Variants in TMEM181 observed in about 807,000 individuals in gnomAD.
TMEM181 encodes the protein transmembrane protein 181.
Under a neutral mutation model 71.9 loss-of-function variants are expected in TMEM181, and 39 were observed. The observed-to-expected ratio is 0.54, with a 90% CI of 0.42 to 0.71. The LOEUF is 0.71. Ranked by LOEUF, TMEM181 falls within the 30% of genes least tolerant of loss-of-function variation. The pLI is 0.00. For missense variants in TMEM181, 595 were observed against 583.0 expected (o/e 1.02, Z -0.21); for synonymous variants, 245 against 228.8 (o/e 1.07, Z -0.64).
intron 6 of TMEM181, among the ~76,000 whole-genome samples, chr6:158,596,566 C>T (rs1784400582): frequency 6.6e-6 from 1 of 152,174 alleles, no homozygotes; most frequent in Non-Finnish European, 1.5e-5. Context: ...CTAACCAGCT[C>T]TTCTTCCTTG....
intron 10 of TMEM181, among the ~76,000 whole-genome samples, chr6:158,611,892 T>A (rs1022364504): frequency 1.3e-5 from 2 of 152,156 alleles, no homozygotes; most frequent in Non-Finnish European, 2.9e-5. Context: ...AGGCTTGGAA[T>A]GTTTCTGTAT....
At chr6:158,596,682 G>T (rs184446225) in intron 6 of TMEM181, among the ~76,000 whole-genome samples, 1 of 152,212 alleles carries the variant, frequency 6.6e-6, no homozygotes, top group Non-Finnish European at 1.5e-5. Context: ...AGAAAAAGGG[G>T]TTTAATTGGA....
intron 7 of TMEM181, among the ~76,000 whole-genome samples, chr6:158,606,737 C>T (rs565824292): frequency 7.3e-4 from 111 of 152,354 alleles, no homozygotes; most frequent in African/African-American, 2.6e-3. Context: ...TTACAAGACT[C>T]CTACATTCTC....
Position 158,628,444 on chromosome 6 carries a change from A to G in TMEM181, c.1146A>G (p.Val382=), listed in dbSNP as rs1786465871. Residue 382 remains valine (V), a synonymous_variant, in exon 14 of 17, where the codon GTA becomes GTG. Coordinates refer to ENST00000684151, the MANE Select transcript of TMEM181 (RefSeq NM_001376852.1). ...AILYLRFGAQ[V]LQDNFVAELS... is the part of the protein sequence containing the mutation. ...TTTATTTGAGATTTGGGGCGCAAGT[A>G]CTACAAGACAATTTTGTAGCAGAGC... 1.2e-6 allele frequency: 2 copies of G among 1,614,222 alleles called. No homozygotes were observed. The highest frequency in any genetic ancestry group is 1.7e-5 in the Admixed American group (1 of 60,034).
In TMEM181 at chr6:158,539,623, G is replaced by A. The variant is rs116965455; in HGVS notation, c.131+2758G>A. On this transcript the variant is annotated intron_variant, in intron 1 of 16. Transcript: ENST00000367090. The stretch of plus-strand genomic sequence containing the variant: ...AAGCTCCGTTTACAAAACATGATTG[G>A]CCCCTCTGTTCAGCAGCATGGCTGT... Among the ~76,000 whole-genome samples the A allele has an allele frequency of 4.6e-5, 7 of 152,330 alleles. No homozygotes were observed. In the East Asian group the frequency reaches 1.2e-3, roughly 25 times the overall value.
chr6:158,603,522 G>T (rs761094081), intron 6 of TMEM181, among the ~76,000 whole-genome samples: 3 of 152,042 alleles, frequency 2.0e-5, no homozygotes, highest in Non-Finnish European at 2.9e-5. Flanking sequence ...TGTGGCCTGG[G>T]GACCCCTGTA....
upstream of TMEM181, among the ~76,000 whole-genome samples, chr6:158,558,536 T>C (rs2128283595): frequency 6.6e-6 from 1 of 152,330 alleles, no homozygotes; most frequent in Middle Eastern, 3.4e-3. Context: ...CAGAGACAGC[T>C]TAACTGGTTA....
At chr6:158,624,965 C>T in intron 11 of TMEM181, 139 bp from the exon 12 acceptor site, 1 of 718,172 alleles carries the variant, frequency 1.4e-6, no homozygotes, top group South Asian at 1.6e-5. Flanking sequence ...GCTGGGAGCC[C>T]ATTGTTCTGC....
At chr6:158,571,133 G>T (rs899925468) in intron 1 of TMEM181, among the ~76,000 whole-genome samples, 2 of 151,028 alleles carry the variant, frequency 1.3e-5, no homozygotes, top group Non-Finnish European at 3.0e-5. Flanking sequence ...GTCTCGTTCT[G>T]TTGCCCAGGC....
chr6:158,631,990 G>A lies in TMEM181; in HGVS notation c.*102G>A, dbSNP rs1786694205. On this transcript the variant is annotated 3_prime_UTR_variant, in exon 17 of 17. Transcript: ENST00000684151. Reference sequence around the variant, plus strand: ...TATTCAGATTTTTCTTACAAGCAGAGATTTCCTGTTCATTTGTTTACATAT... The same window carrying A: ...TATTCAGATTTTTCTTACAAGCAGAAATTTCCTGTTCATTTGTTTACATAT... 2 of 1,120,968 alleles carry A rather than the reference G, an allele frequency of 1.8e-6. No individual in the cohort carries two copies. Among genetic ancestry groups the A allele is most frequent in the East Asian group, 2.6e-5 (1 of 38,036 alleles). The allele number at this position is 1,120,968 out of a possible 1,614,324, so 69.4% of individuals were successfully genotyped here. A position where few individuals can be genotyped will look rare whatever the true frequency, so the allele number is the denominator to read the frequency against.
intron 2 of TMEM181, among the ~76,000 whole-genome samples, chr6:158,577,993 G>C (rs148362545): frequency 3.3e-3 from 495 of 152,298 alleles, no homozygotes; most frequent in African/African-American, 0.011. Context: ...GGGAGGCTGA[G>C]GCAGGAGAAT....
chr6:158,566,281 G>A (rs1431380583), intron 1 of TMEM181, among the ~76,000 whole-genome samples: 1 of 152,058 alleles, frequency 6.6e-6, no homozygotes, highest in East Asian at 1.9e-4. Flanking sequence ...CTGGGCTGAG[G>A]TCTAGAGCAG....
chr6:158,583,104 G>A (rs1783568779), intron 3 of TMEM181, among the ~76,000 whole-genome samples: 1 of 151,854 alleles, frequency 6.6e-6, no homozygotes, highest in African/African-American at 2.4e-5. Context: ...GTGGTGGCAG[G>A]TGCCTGTAAT....
chr6:158,598,983 G>A (rs1784529445), intron 6 of TMEM181, among the ~76,000 whole-genome samples: 1 of 152,168 alleles, frequency 6.6e-6, no homozygotes, highest in Non-Finnish European at 1.5e-5. Context: ...TTTTAAACAT[G>A]GGGACCCAGG....
At chr6:158,624,355 T>G (rs556546634) in intron 11 of TMEM181, among the ~76,000 whole-genome samples, 1 of 152,332 alleles carries the variant, frequency 6.6e-6, no homozygotes, top group East Asian at 1.9e-4. Context: ...TGATCCCGAT[T>G]CCTGCTGTGC....
At chr6:158,574,837 A>G (rs962542745) in intron 2 of TMEM181, among the ~76,000 whole-genome samples, 2 of 152,172 alleles carry the variant, frequency 1.3e-5, no homozygotes, top group South Asian at 2.1e-4. Flanking sequence ...GAGAAGTCCA[A>G]AGGTCTGCAG....
chr6:158,591,198 G>A (rs969999963), intron 6 of TMEM181, among the ~76,000 whole-genome samples: 3 of 152,042 alleles, frequency 2.0e-5, no homozygotes, highest in Non-Finnish European at 2.9e-5. Context: ...CTTTGCAGGC[G>A]GCCGTCTCCT....
In TMEM181 at chr6:158,543,478, C is replaced by G. The variant is rs116143891; in HGVS notation, c.131+6613C>G. Reference sequence around the variant, plus strand: ...AACACCACAGCCTGCAGGGCTCAAGCAACAGGGATGTATCGTCTCCTGGTT... The same window carrying G: ...AACACCACAGCCTGCAGGGCTCAAGGAACAGGGATGTATCGTCTCCTGGTT... On this transcript the variant is annotated intron_variant, in intron 1 of 16. Transcript: ENST00000367090. 2.7e-3 allele frequency among the ~76,000 whole-genome samples: 413 copies of G among 152,306 alleles called. 1 individual carries two copies. The highest frequency in any genetic ancestry group is 9.5e-3 in the African/African-American group (395 of 41,566).
At chr6:158,592,616 C>G (rs144859769) in intron 6 of TMEM181, among the ~76,000 whole-genome samples, 77 of 152,146 alleles carry the variant, frequency 5.1e-4, no homozygotes, top group African/African-American at 1.8e-3. Flanking sequence ...GGGATTACAG[C>G]TACTAATAGC....
Sources: gnomAD v4.1 joint callset for allele counts (sites outside exome capture counted in the v4.1 genomes callset) on GRCh38, gnomAD v4.1.1 for gene constraint, MANE v1.5 for transcripts, NCBI Gene and HGNC (gene_info 2026-07-23, HGNC 2026-07-21) for gene names.